The following ADCY1 variants were observed in gnomAD, a reference collection of about 807,000 sequenced individuals.
ADCY1 encodes adenylate cyclase type 1.
Under a neutral mutation model 105.4 loss-of-function variants are expected in ADCY1, and 28 were observed. The ratio of observed to expected loss-of-function variants is 0.27; its 90% CI spans 0.20 to 0.36. ADCY1 has a LOEUF of 0.36. Among genes scored for constraint, ADCY1 ranks in the 10% least tolerant of loss-of-function variants. The pLI is 1.00. For synonymous variants in ADCY1, 655 were observed against 623.8 expected, an observed-to-expected ratio of 1.05 and a Z score of -0.75; for missense variants, 977 against 1,434.2, an observed-to-expected ratio of 0.68 and a Z score of 5.15.
At chr7:45,645,798 C>G (rs1288096987) in intron 4 of ADCY1, among the ~76,000 whole-genome samples, 1 of 152,086 alleles carries the variant, frequency 6.6e-6, no homozygotes, top group Non-Finnish European at 1.5e-5. Flanking sequence ...GAGCACAGGT[C>G]CTTAGAGTTG....
chr7:45,721,527 A>G lies in ADCY1; in HGVS notation c.*7532A>G, dbSNP rs540841740. 2.5e-6 allele frequency: 1 copy of G among 396,816 alleles called. No individual in the cohort carries two copies. The allele number at this position is 396,816 out of a possible 1,614,324, so 24.6% of individuals were successfully genotyped here. ...TGGCACCTCCAGACACCCTGAAACT[A>G]CACACCATTTCTTCCCTGCTCAGCT... On this transcript the variant is annotated 3_prime_UTR_variant, in exon 20 of 20. Coordinates refer to ENST00000297323, the MANE Select transcript of ADCY1 (RefSeq NM_021116.4).
At chr7:45,641,042 T>C (rs559495077) in intron 4 of ADCY1, among the ~76,000 whole-genome samples, 12 of 152,312 alleles carry the variant, frequency 7.9e-5, no homozygotes, top group African/African-American at 2.6e-4. Flanking sequence ...TTATTTTTCA[T>C]TTATTTTGTG....
rs111825655 is a variant in ADCY1 at position 45,653,706 on chromosome 7, C to T, written c.1149-4021C>T. 2.0e-5 allele frequency among the ~76,000 whole-genome samples: 3 copies of T among 152,208 alleles called. No homozygotes were observed. The South Asian group carries it at 6.2e-4, about 31-fold the overall frequency. On this transcript the variant is annotated intron_variant, in intron 5 of 19. Transcript: ENST00000297323. ...CCCTCTCCCCCACTGGGGCTTTGCTCTGTGTGAGGTCTGTGCTCACCCACC... is the reference window on the plus strand; with the variant it reads ...CCCTCTCCCCCACTGGGGCTTTGCTTTGTGTGAGGTCTGTGCTCACCCACC...
At chr7:45,638,065 G>A (rs1794440064) in intron 4 of ADCY1, among the ~76,000 whole-genome samples, 4 of 151,840 alleles carry the variant, frequency 2.6e-5, no homozygotes, top group Admixed American at 2.6e-4. Flanking sequence ...TTTTCTTCAT[G>A]TTTCCTATGC....
chr7:45,594,121 G>A (rs940052651), intron 2 of ADCY1, among the ~76,000 whole-genome samples: 15 of 152,210 alleles, frequency 9.9e-5, no homozygotes, highest in African/African-American at 3.6e-4. Flanking sequence ...GCATGTGTGT[G>A]TGGCTTTGTA....
chr7:45,621,652 C>T (rs1318989766), intron 3 of ADCY1, among the ~76,000 whole-genome samples: 1 of 152,148 alleles, frequency 6.6e-6, no homozygotes, highest in Admixed American at 6.5e-5. Context: ...ACCCTACTTC[C>T]CTCCTGTCCC....
chr7:45,659,985 C>T (rs546380717), intron 6 of ADCY1, 57 bp from the exon 7 acceptor site: 2 of 1,606,662 alleles, frequency 1.2e-6, no homozygotes, highest in East Asian at 2.2e-5. Flanking sequence ...TAAGGCCCTG[C>T]AGACTCTGAC....
rs886629273 is a variant in ADCY1, at chr7:45,657,899, G to A, written c.1307+14G>A. 22 of 1,579,072 alleles carry A rather than the reference G, an allele frequency of 1.4e-5. No homozygotes were observed. The African/African-American group carries it at 2.8e-4, about 20-fold the overall frequency. ...TGGCCTGCCAGGGTAAGTCGGGGAT[G>A]GGGTGGGGAGGGGAGGGAGGTGGGT... On this transcript the variant is annotated intron_variant, in intron 6 of 19. Transcript: ENST00000297323.
chr7:45,651,676 G>C (rs565772928), intron 5 of ADCY1, among the ~76,000 whole-genome samples: 1 of 152,262 alleles, frequency 6.6e-6, no homozygotes, highest in East Asian at 1.9e-4. Context: ...GTCTGATTCT[G>C]TTCCAGAAAG....
intron 6 of ADCY1, among the ~76,000 whole-genome samples, chr7:45,659,493 C>G (rs1404890432): frequency 6.6e-6 from 1 of 152,210 alleles, no homozygotes. Context: ...GGGGGATTTT[C>G]CTGTCCTCAC....
intron 18 of ADCY1, among the ~76,000 whole-genome samples, chr7:45,709,300 G>A (rs1366680692): frequency 1.3e-5 from 2 of 152,206 alleles, no homozygotes; most frequent in Admixed American, 6.5e-5. Context: ...ATCTGATGGT[G>A]GGTCGGGGAA....
At chr7:45,649,656 C>T (rs1249451792) in intron 5 of ADCY1, among the ~76,000 whole-genome samples, 1 of 152,228 alleles carries the variant, frequency 6.6e-6, no homozygotes, top group Non-Finnish European at 1.5e-5. Context: ...GCCTCGTGGG[C>T]TGCCCCATGC....
chr7:45,592,730 C>CCACA (rs1430866406), intron 1 of ADCY1, 29 bp from the exon 2 acceptor site: 1 of 1,613,476 alleles, frequency 6.2e-7, no homozygotes, highest in African/African-American at 1.3e-5. Context: ...ATGTCAGGCT[C>CCACA]CACATGTTGC....
chr7:45,712,691 T>C (rs1785284969), intron 19 of ADCY1, among the ~76,000 whole-genome samples: 1 of 152,080 alleles, frequency 6.6e-6, no homozygotes, highest in South Asian at 2.1e-4. Context: ...TTGAATGGAC[T>C]GTGTGTGTGG....
intron 14 of ADCY1, among the ~76,000 whole-genome samples, chr7:45,688,937 C>T (rs1489672704): frequency 2.6e-5 from 4 of 151,496 alleles, no homozygotes; most frequent in Middle Eastern, 3.2e-3. Flanking sequence ...CCAGTCTACC[C>T]GCTGTCTGTA....
intron 4 of ADCY1, among the ~76,000 whole-genome samples, chr7:45,626,085 C>T (rs966070151): frequency 1.3e-5 from 2 of 152,150 alleles, no homozygotes; most frequent in Admixed American, 1.3e-4. Context: ...GGTTAGCTGA[C>T]GAGGTCTGTG....
intron 4 of ADCY1, among the ~76,000 whole-genome samples, chr7:45,631,282 G>T (rs1007007822): frequency 6.6e-5 from 10 of 152,182 alleles, no homozygotes; most frequent in African/African-American, 1.9e-4. Flanking sequence ...GCTAGAAATT[G>T]TCCATTTATC....
rs1317998651 is a variant in ADCY1, at chr7:45,574,654, C to G, written c.111C>G (p.Asp37Glu). 43 of 1,310,196 alleles carry G rather than the reference C, an allele frequency of 3.3e-5. No individual in the cohort carries two copies. The highest frequency in any genetic ancestry group is 5.7e-4 in the Middle Eastern group (2 of 3,512). 81.2% of individuals were successfully genotyped at this position (1,310,196 alleles called of 1,614,324 possible). The change falls in exon 1 of 20, where the codon GAC becomes GAG. Residue 37 changes from aspartate (D) to glutamate (E), a missense_variant. Asp to Glu is a conservative substitution (Grantham distance 45). Around this residue, in one of 7 missense-constraint regions of ADCY1, gnomAD observed 209 missense variants for 222.5 expected, o/e 0.94. Coordinates refer to ENST00000297323, the MANE Select transcript of ADCY1 (RefSeq NM_021116.4). The surrounding 1 kb of genome is among the most constrained non-coding windows in gnomAD (Gnocchi z 7.0). The part of the protein sequence containing the change: ...TSRRRGLRAC[D>E]EEFACPELEA... Reference sequence around the variant, plus strand: ...GCCGGCGCGGGCTCCGGGCGTGCGACGAGGAGTTCGCTTGCCCAGAGCTGG... The same window carrying G: ...GCCGGCGCGGGCTCCGGGCGTGCGAGGAGGAGTTCGCTTGCCCAGAGCTGG...
chr7:45,588,527 C>T (rs1246867742), intron 1 of ADCY1, among the ~76,000 whole-genome samples: 1 of 152,258 alleles, frequency 6.6e-6, no homozygotes, highest in Non-Finnish European at 1.5e-5. Flanking sequence ...ATGTACCCAT[C>T]TGTGAATTAA....
Sources: gnomAD v4.1 joint callset for allele counts (sites outside exome capture counted in the v4.1 genomes callset) on GRCh38, gnomAD v4.1.1 for gene constraint, gnomAD v4.1.1 regional missense constraint, Gnocchi (gnomAD v3.1) non-coding constraint, MANE v1.5 for transcripts, NCBI Gene and HGNC (gene_info 2026-07-23, HGNC 2026-07-21) for gene names.